Variants in SGCZ observed in about 807,000 individuals in gnomAD.
SGCZ encodes the protein sarcoglycan zeta, also known as zeta-sarcoglycan.
A neutral mutation model predicts 41.3 loss-of-function variants in SGCZ; 40 were observed. The observed-to-expected ratio is 0.97, with a 90% CI of 0.75 to 1.26. The LOEUF is 1.26. Ranked by LOEUF, SGCZ falls within the 50% of genes most tolerant of loss-of-function variation. The probability of loss-of-function intolerance (pLI) is 0.00; values close to 1 mark genes in which losing one functional copy is unlikely to be tolerated. For synonymous variants in SGCZ, 206 were observed against 137.5 expected, an observed-to-expected ratio of 1.50 and a Z score of -3.49; for missense variants, 552 against 369.8, an observed-to-expected ratio of 1.49 and a Z score of -4.04.
At chr8:14,104,318 A>G (rs992912990) in intron 6 of SGCZ, among the ~76,000 whole-genome samples, 1 of 152,264 alleles carries the variant, frequency 6.6e-6, no homozygotes, top group East Asian at 1.9e-4. Context: ...GGCAGAGAGA[A>G]GGATAGTCCC....
At chr8:14,350,361 C>T (rs539823205) in intron 2 of SGCZ, among the ~76,000 whole-genome samples, 8 of 152,004 alleles carry the variant, frequency 5.3e-5, no homozygotes, top group African/African-American at 1.9e-4. Context: ...ATATTTTTTA[C>T]CCAAGTATGC....
At chr8:14,395,916 T>C (rs759563959) in intron 2 of SGCZ, among the ~76,000 whole-genome samples, 2 of 152,212 alleles carry the variant, frequency 1.3e-5, no homozygotes, top group Non-Finnish European at 2.9e-5. Context: ...TCTGATGCCT[T>C]TGTAGCAGAG....
At chr8:14,594,305 T>C (rs764614488) in intron 1 of SGCZ, among the ~76,000 whole-genome samples, 75 of 151,900 alleles carry the variant, frequency 4.9e-4, no homozygotes, top group Non-Finnish European at 7.9e-4. Flanking sequence ...CTTTATCAAG[T>C]TTGGGGATGA....
intron 3 of SGCZ, among the ~76,000 whole-genome samples, chr8:14,265,643 A>C (rs948183401): frequency 9.9e-5 from 15 of 152,096 alleles, no homozygotes; most frequent in Non-Finnish European, 2.1e-4. Flanking sequence ...ATACTCATTT[A>C]ATAAGGATGC....
intron 3 of SGCZ, among the ~76,000 whole-genome samples, chr8:14,302,995 G>C (rs1653625419): frequency 6.6e-6 from 1 of 152,108 alleles, no homozygotes; most frequent in Admixed American, 6.5e-5. Context: ...CTTGCTCAGG[G>C]CCTCCTTTGC....
intron 1 of SGCZ, among the ~76,000 whole-genome samples, chr8:14,773,756 G>C (rs1448877381): frequency 6.6e-6 from 1 of 152,126 alleles, no homozygotes; most frequent in Admixed American, 6.6e-5. Flanking sequence ...CTATCTGTAA[G>C]GCAAAGTCAG....
chr8:14,372,536 G>A (rs964635309), intron 2 of SGCZ, among the ~76,000 whole-genome samples: 2 of 152,118 alleles, frequency 1.3e-5, no homozygotes, highest in African/African-American at 2.4e-5. Flanking sequence ...AAAGGGCCAT[G>A]AATAACAGAA....
chr8:14,733,811 T>A (rs1057302820), intron 1 of SGCZ, among the ~76,000 whole-genome samples: 1 of 152,160 alleles, frequency 6.6e-6, no homozygotes, highest in African/African-American at 2.4e-5. Flanking sequence ...TTGTAAAAGG[T>A]TGCTACAAAA....
chr8:15,119,076 G>A (rs1563136077), intron 1 of SGCZ, among the ~76,000 whole-genome samples: 2 of 152,074 alleles, frequency 1.3e-5, no homozygotes, highest in South Asian at 4.1e-4. Flanking sequence ...TTTTTTCAGA[G>A]GTAGATTTTC....
intron 3 of SGCZ, among the ~76,000 whole-genome samples, chr8:14,253,714 T>C (rs1366739467): frequency 6.6e-6 from 1 of 152,102 alleles, no homozygotes; most frequent in Non-Finnish European, 1.5e-5. Context: ...TTTATATATG[T>C]AACATAAATA....
At chr8:14,272,922 TA>T (rs1026477993) in intron 3 of SGCZ, among the ~76,000 whole-genome samples, 1 of 152,068 alleles carries the variant, frequency 6.6e-6, no homozygotes, top group African/African-American at 2.4e-5. Flanking sequence ...ATGGAGATGA[TA>T]AAAAACTATT....
At chr8:14,816,469 A>T (rs1461684571) in intron 1 of SGCZ, among the ~76,000 whole-genome samples, 1 of 152,176 alleles carries the variant, frequency 6.6e-6, no homozygotes, top group African/African-American at 2.4e-5. Flanking sequence ...ATTTTCCCTT[A>T]TATGTGTAGG....
intron 1 of SGCZ, among the ~76,000 whole-genome samples, chr8:15,021,182 T>C (rs890872622): frequency 1.3e-5 from 2 of 152,208 alleles, no homozygotes; most frequent in Admixed American, 6.5e-5. Context: ...CACCTGCAAA[T>C]CTAATAGATT....
At chr8:14,824,451 A>T (rs548554052) in intron 1 of SGCZ, among the ~76,000 whole-genome samples, 1 of 152,246 alleles carries the variant, frequency 6.6e-6, no homozygotes, top group African/African-American at 2.4e-5. Flanking sequence ...CACTAAAACC[A>T]ATAAAATTCC....
At chr8:14,108,725 G>A (rs1324848377) in intron 5 of SGCZ, among the ~76,000 whole-genome samples, 1 of 152,116 alleles carries the variant, frequency 6.6e-6, no homozygotes, top group East Asian at 1.9e-4. Flanking sequence ...ATATGAATGA[G>A]AAGAATTGGA....
chr8:14,108,714 G>C (rs1373041469), intron 5 of SGCZ, among the ~76,000 whole-genome samples: 2 of 152,106 alleles, frequency 1.3e-5, no homozygotes, highest in East Asian at 3.9e-4. Context: ...CGTATCACAG[G>C]ATATGAATGA....
At chr8:14,112,636 A>G (rs926618305) in intron 5 of SGCZ, among the ~76,000 whole-genome samples, 3 of 152,166 alleles carry the variant, frequency 2.0e-5, no homozygotes, top group African/African-American at 7.2e-5. Context: ...AGCTGGGAAT[A>G]GACTTGTCTT....
chr8:14,934,229 G>T (rs1040742619), intron 1 of SGCZ, among the ~76,000 whole-genome samples: 5 of 151,866 alleles, frequency 3.3e-5, no homozygotes, highest in Non-Finnish European at 5.9e-5. Flanking sequence ...GGGCACCACC[G>T]CATGAAAACT....
At chr8:14,435,812 C>T (rs1800073836) in intron 2 of SGCZ, among the ~76,000 whole-genome samples, 1 of 152,176 alleles carries the variant, frequency 6.6e-6, no homozygotes, top group Admixed American at 6.5e-5. Context: ...AATACTCAAT[C>T]ATCGTATTTA....
Sources: gnomAD v4.1 joint callset for allele counts (sites outside exome capture counted in the v4.1 genomes callset) on GRCh38, gnomAD v4.1.1 for gene constraint, MANE v1.5 for transcripts, NCBI Gene and HGNC (gene_info 2026-07-23, HGNC 2026-07-21) for gene names.